Variants in DPP10 observed in about 807,000 individuals in gnomAD.
DPP10 encodes inactive dipeptidyl peptidase 10.
A neutral mutation model predicts 120.9 loss-of-function variants in DPP10; 33 were observed. That is an observed-to-expected ratio of 0.27 (90% CI 0.21 to 0.37). The LOEUF is 0.37. Among genes scored for constraint, DPP10 ranks in the 10% least tolerant of loss-of-function variants. DPP10 has a pLI of 1.00. For missense variants in DPP10, 816 were observed against 942.8 expected, an observed-to-expected ratio of 0.87 and a Z score of 1.76; for synonymous variants, 337 against 326.1, an observed-to-expected ratio of 1.03 and a Z score of -0.36.
At chr2:115,842,118 C>T in intron 25 of DPP10, 93 bp from the exon 26 acceptor site, 1 of 1,322,860 alleles carries the variant, frequency 7.6e-7, no homozygotes, top group Admixed American at 2.7e-5. Context: ...TATTATTACT[C>T]AAAGTTTCCA....
intron 1 of DPP10, among the ~76,000 whole-genome samples, chr2:114,916,883 G>T (rs755468735): frequency 7.2e-5 from 11 of 152,110 alleles, no homozygotes; most frequent in Middle Eastern, 3.2e-3. Context: ...GCAAAAGTTG[G>T]AAGCATTCCC....
At chr2:115,608,818 T>C (rs1183880366) in intron 5 of DPP10, among the ~76,000 whole-genome samples, 1 of 152,130 alleles carries the variant, frequency 6.6e-6, no homozygotes, top group African/African-American at 2.4e-5. Context: ...AAAATTCTTT[T>C]GTTAATGACA....
intron 1 of DPP10, among the ~76,000 whole-genome samples, chr2:115,173,684 A>G (rs1235209446): frequency 6.6e-6 from 1 of 152,182 alleles, no homozygotes; most frequent in African/African-American, 2.4e-5. Context: ...AAATCTGCAG[A>G]TGGTAATTAT....
At chr2:115,458,760 TAAAAC>T (rs908098398) in intron 3 of DPP10, among the ~76,000 whole-genome samples, 2 of 152,142 alleles carry the variant, frequency 1.3e-5, no homozygotes, top group African/African-American at 4.8e-5. Context: ...TTTTTAAAAA[TAAAAC>T]AGGTGCATTT....
intron 1 of DPP10, among the ~76,000 whole-genome samples, chr2:115,098,594 A>T (rs2048521601): frequency 6.6e-6 from 1 of 152,042 alleles, no homozygotes; most frequent in Non-Finnish European, 1.5e-5. Flanking sequence ...GTACAGTAAA[A>T]ATTCAGTACT....
Position 115,699,149 on chromosome 2 carries a change from T to C in DPP10, c.576+9228T>C, listed in dbSNP as rs183143976. Among the ~76,000 whole-genome samples, 228 of 151,920 alleles carry C rather than the reference T, an allele frequency of 1.5e-3. 1 individual carries two copies. Among genetic ancestry groups the C allele is most frequent in the South Asian group, 3.3e-3 (16 of 4,818 alleles). ...ATTATAATAGTACTATGAACAATTGTATACCAATAAACTGGATAACCTAGA... is the reference window on the plus strand; with the variant it reads ...ATTATAATAGTACTATGAACAATTGCATACCAATAAACTGGATAACCTAGA... On this transcript the variant is annotated intron_variant, in intron 7 of 25. Coordinates refer to ENST00000410059, the MANE Select transcript of DPP10 (RefSeq NM_020868.6).
At chr2:114,806,041 C>T (rs2106303047) in intron 1 of DPP10, among the ~76,000 whole-genome samples, 1 of 152,290 alleles carries the variant, frequency 6.6e-6, no homozygotes, top group Admixed American at 6.5e-5. Flanking sequence ...TTCCAATCCC[C>T]TCCCACCTAT....
At chr2:114,594,495 T>C (rs1359331745) in intron 1 of DPP10, among the ~76,000 whole-genome samples, 13 of 147,774 alleles carry the variant, frequency 8.8e-5, no homozygotes, top group Admixed American at 2.0e-4. Context: ...TATATATACA[T>C]ATATATTATA....
intron 3 of DPP10, among the ~76,000 whole-genome samples, chr2:115,383,255 C>T (rs530971824): frequency 6.6e-5 from 10 of 152,164 alleles, no homozygotes; most frequent in South Asian, 4.2e-4. Context: ...CAGGTCTTTC[C>T]GATGCTGTTC....
chr2:115,542,452 G>A (rs1481452668), intron 5 of DPP10, among the ~76,000 whole-genome samples: 3 of 151,920 alleles, frequency 2.0e-5, no homozygotes, highest in African/African-American at 4.8e-5. Flanking sequence ...ACAGTGACAT[G>A]TAAAGCAAAA....
rs139608384 is a variant in DPP10, at chr2:115,808,339, C to T, written c.1701-6454C>T. ...ACATAAAACCACCTTCCCTGAGAAA[C>T]GATGTTCTTGAATGAGAGTGCAGGA... On this transcript the variant is annotated intron_variant, in intron 19 of 25. Transcript: ENST00000410059. Among the ~76,000 whole-genome samples, 433 of 152,180 alleles carry T rather than the reference C, an allele frequency of 2.8e-3. 2 individuals carry two copies. Among genetic ancestry groups the T allele is most frequent in the Non-Finnish European group, 2.8e-3 (188 of 68,012 alleles).
At chr2:115,254,531 C>T (rs1183434733) in intron 1 of DPP10, among the ~76,000 whole-genome samples, 1 of 152,210 alleles carries the variant, frequency 6.6e-6, no homozygotes, top group East Asian at 1.9e-4. Flanking sequence ...AACAGTCCCG[C>T]AAAGTCTTAA....
At chr2:115,385,226 A>T (rs779696159) in intron 3 of DPP10, among the ~76,000 whole-genome samples, 9 of 152,160 alleles carry the variant, frequency 5.9e-5, no homozygotes, top group South Asian at 2.1e-4. Context: ...GTCCTGCCCC[A>T]TACCTGGGAG....
In DPP10 at chr2:114,851,750, A is replaced by G. The variant is rs141256553; in HGVS notation, c.60+408912A>G. ...TGGTTTTCAATCATGTAGGTCATGTACCTCAGCTCAGAAAAAAAGCACATC... is the reference window on the plus strand; with the variant it reads ...TGGTTTTCAATCATGTAGGTCATGTGCCTCAGCTCAGAAAAAAAGCACATC... On this transcript the variant is annotated intron_variant, in intron 1 of 25. Transcript: ENST00000410059. 2.4e-3 allele frequency among the ~76,000 whole-genome samples: 358 copies of G among 152,258 alleles called. 1 individual carries two copies. In the Middle Eastern group the frequency reaches 0.027, roughly 12 times the overall value.
intron 1 of DPP10, among the ~76,000 whole-genome samples, chr2:115,123,226 T>A (rs1234393156): frequency 1.3e-5 from 2 of 152,076 alleles, no homozygotes; most frequent in African/African-American, 4.8e-5. Context: ...TATTAAAAAG[T>A]TTTATAGCAG....
chr2:115,023,381 A>G (rs534983221), intron 1 of DPP10, among the ~76,000 whole-genome samples: 1 of 152,344 alleles, frequency 6.6e-6, no homozygotes, highest in South Asian at 2.1e-4. Context: ...GCCGACAAGC[A>G]TATGGAAAAA....
intron 1 of DPP10, among the ~76,000 whole-genome samples, chr2:114,855,617 G>C (rs1689310169): frequency 6.6e-6 from 1 of 152,140 alleles, no homozygotes. Context: ...AGCCTAAGTT[G>C]TTCCTATCAT....
chr2:115,055,598 AAAAT>A (rs1253597576), intron 1 of DPP10, among the ~76,000 whole-genome samples: 4 of 152,186 alleles, frequency 2.6e-5, no homozygotes, highest in Admixed American at 6.5e-5. Context: ...GTAAACCTCA[AAAAT>A]AAAATTAATA....
At chr2:115,758,668 G>C (rs764351862) in intron 11 of DPP10, among the ~76,000 whole-genome samples, 7 of 152,014 alleles carry the variant, frequency 4.6e-5, no homozygotes, top group Non-Finnish European at 8.8e-5. Context: ...GAATAAAATT[G>C]AAGGAGTTAG....
Sources: allele counts gnomAD v4.1 joint callset (sites outside exome capture counted in the v4.1 genomes callset), GRCh38; gene constraint gnomAD v4.1.1; transcripts MANE v1.5; gene names NCBI Gene and HGNC (gene_info 2026-07-23, HGNC 2026-07-21).